JPH3: variants seen among roughly 807,000 people sequenced by gnomAD.
JPH3 encodes the protein junctophilin 3.
Under a neutral mutation model 59.6 loss-of-function variants are expected in JPH3, and 11 were observed. That is an observed-to-expected ratio of 0.18 (90% CI 0.12 to 0.31). The LOEUF (loss-of-function observed/expected upper bound fraction) is 0.31, where lower values mean the gene tolerates loss of function less well. JPH3 is among the 10% of genes least tolerant of loss of function. The pLI, the probability that JPH3 is intolerant of heterozygous loss-of-function variation, is 1.00. For synonymous variants in JPH3, 673 were observed against 483.6 expected, an observed-to-expected ratio of 1.39 and a Z score of -5.14; for missense variants, 1,202 against 1,105.7, an observed-to-expected ratio of 1.09 and a Z score of -1.24.
intron 2 of JPH3, among the ~76,000 whole-genome samples, chr16:87,650,603 T>C (rs144233150): frequency 4.9e-4 from 75 of 152,258 alleles, no homozygotes; most frequent in African/African-American, 1.8e-3. Flanking sequence ...GGAAAAGTAA[T>C]TGAAGAAAAT....
chr16:87,615,951 G>A (rs1386470467), intron 1 of JPH3, among the ~76,000 whole-genome samples: 1 of 152,194 alleles, frequency 6.6e-6, no homozygotes, highest in African/African-American at 2.4e-5. Flanking sequence ...GCGACAGGAG[G>A]GGCCGGTGGT....
intron 1 of JPH3, among the ~76,000 whole-genome samples, chr16:87,628,861 A>G (rs2031470063): frequency 6.6e-6 from 1 of 151,966 alleles, no homozygotes; most frequent in South Asian, 2.1e-4. Context: ...AGTCACTCCC[A>G]ATGTTCATTG....
chr16:87,657,286 G>A (rs2032535055), intron 2 of JPH3, among the ~76,000 whole-genome samples: 1 of 152,234 alleles, frequency 6.6e-6, no homozygotes, highest in Non-Finnish European at 1.5e-5. Context: ...CAGAGAAAGT[G>A]ATGCTGAGTG....
intron 2 of JPH3, among the ~76,000 whole-genome samples, chr16:87,664,159 G>A (rs549607528): frequency 5.3e-5 from 8 of 151,812 alleles, no homozygotes; most frequent in Admixed American, 2.0e-4. Context: ...GTGAAACCTC[G>A]TCTCTACTAA....
chr16:87,690,235 C>G lies in JPH3; in HGVS notation c.1875C>G (p.Pro625=). ...CCTTGCTGAGGATGGAGACGCATCC[C>G]CAGAAAAGACGCTACAGCAAGGGCG... ...MKPLLRMETH[P]QKRRYSKGGA... The change falls in exon 4 of 5, where the codon CCC becomes CCG. Residue 625 remains proline (P), a synonymous_variant. Transcript: ENST00000284262. 6.2e-7 allele frequency: 1 copy of G among 1,604,852 alleles called. No homozygotes were observed. Among genetic ancestry groups the G allele is most frequent in the South Asian group, 1.1e-5 (1 of 89,636 alleles).
chr16:87,658,851 C>T (rs370149031), intron 2 of JPH3, among the ~76,000 whole-genome samples: 2 of 152,356 alleles, frequency 1.3e-5, no homozygotes, highest in South Asian at 2.1e-4. Flanking sequence ...GTGGGTGGCC[C>T]CCCAGCCCCT....
intron 3 of JPH3, chr16:87,684,485 T>A (rs1383429776): frequency 4.6e-6 from 3 of 646,316 alleles, no homozygotes; most frequent in African/African-American, 3.7e-5. Flanking sequence ...TTGGCAGGTC[T>A]CTCCCATTCC....
At chr16:87,651,736 G>A (rs2032330649) in intron 2 of JPH3, among the ~76,000 whole-genome samples, 1 of 152,238 alleles carries the variant, frequency 6.6e-6, no homozygotes, top group Non-Finnish European at 1.5e-5. Context: ...CGAGAAAATG[G>A]TTTCTTGCGA....
At chr16:87,613,995 A>G (rs2030838523) in intron 1 of JPH3, among the ~76,000 whole-genome samples, 1 of 152,176 alleles carries the variant, frequency 6.6e-6, no homozygotes, top group African/African-American at 2.4e-5. Flanking sequence ...TGGAGCCAGC[A>G]TTCCAGGGGC....
At chr16:87,635,794 C>G (rs1357687543) in intron 1 of JPH3, among the ~76,000 whole-genome samples, 1 of 152,204 alleles carries the variant, frequency 6.6e-6, no homozygotes, top group Non-Finnish European at 1.5e-5. Flanking sequence ...TTCCGACTTC[C>G]TCTCTCAGTG....
chr16:87,694,072 C>T (rs796874787), intron 4 of JPH3: 3 of 152,454 alleles, frequency 2.0e-5, no homozygotes, highest in African/African-American at 7.2e-5. Flanking sequence ...ACGATGAGCA[C>T]TGCTGCCCAG....
At position 87,644,832 on chromosome 16, in the gene JPH3, G is replaced by A. The variant is rs766775504; in HGVS notation, c.957G>A (p.Arg319=). ...ACGAGGGCGAGTGGGCCAGCAACCG[G>A]CGCCATGGCTACGGCTGCATGACCT... ...LKYEGEWASN[R]RHGYGCMTFP... The change falls in exon 2 of 5, where the codon CGG becomes CGA. Residue 319 remains arginine (R), a synonymous_variant. Coordinates refer to ENST00000284262, the MANE Select transcript of JPH3 (RefSeq NM_020655.4). The A allele has an allele frequency of 6.2e-6, 10 of 1,613,438 alleles. No homozygotes were observed. The highest frequency in any genetic ancestry group is 7.6e-6 in the Non-Finnish European group (9 of 1,179,908).
chr16:87,620,119 A>G (rs2031118573), intron 1 of JPH3, among the ~76,000 whole-genome samples: 1 of 152,040 alleles, frequency 6.6e-6, no homozygotes, highest in South Asian at 2.1e-4. Flanking sequence ...ACTGCGTGGG[A>G]GGGAGAAGTG....
chr16:87,692,708 G>A (rs543786756), intron 4 of JPH3, among the ~76,000 whole-genome samples: 1 of 152,356 alleles, frequency 6.6e-6, no homozygotes, highest in Middle Eastern at 3.4e-3. Flanking sequence ...TACTGGTGAA[G>A]GAACTCTGGC....
chr16:87,643,825 G>A (rs12598225), intron 1 of JPH3, among the ~76,000 whole-genome samples: 62,593 of 151,934 alleles, frequency 0.41, 13,534 homozygotes, highest in East Asian at 0.7. Flanking sequence ...CTGCCTCCAC[G>A]CAAACCTCAC....
intron 1 of JPH3, among the ~76,000 whole-genome samples, chr16:87,613,113 T>G (rs1230405818): frequency 1.6e-5 from 2 of 128,514 alleles, no homozygotes; most frequent in Admixed American, 1.5e-4. Context: ...TTTTTTTTTT[T>G]TGAGACAGAG....
chr16:87,659,007 A>C (rs557572495), intron 2 of JPH3, among the ~76,000 whole-genome samples: 3 of 152,346 alleles, frequency 2.0e-5, no homozygotes, highest in African/African-American at 7.2e-5. Context: ...CTGGGCGGTC[A>C]CTTAGTCTGG....
chr16:87,662,767 GC>G (rs1339995091), intron 2 of JPH3, among the ~76,000 whole-genome samples: 1 of 152,184 alleles, frequency 6.6e-6, no homozygotes, highest in East Asian at 1.9e-4. Context: ...ACCCTCCTCA[GC>G]CCCCACGCAG....
At chr16:87,633,465 A>T (rs1446732253) in intron 1 of JPH3, among the ~76,000 whole-genome samples, 1 of 150,686 alleles carries the variant, frequency 6.6e-6, no homozygotes, top group East Asian at 1.9e-4. Context: ...ACTATTCAGA[A>T]CTCCACTAAG....
Sources: gnomAD v4.1 joint callset for allele counts (sites outside exome capture counted in the v4.1 genomes callset) on GRCh38, gnomAD v4.1.1 for gene constraint, MANE v1.5 for transcripts, NCBI Gene and HGNC (gene_info 2026-07-23, HGNC 2026-07-21) for gene names.